Variants in KLHDC10 observed in about 807,000 individuals in gnomAD.
KLHDC10 encodes kelch domain containing 10.
In KLHDC10, 24 loss-of-function variants were observed where a neutral mutation model predicts 56.1. The ratio of observed to expected loss-of-function variants is 0.43; its 90% CI spans 0.31 to 0.60. The LOEUF is 0.60. Among genes scored for constraint, KLHDC10 ranks in the 20% least tolerant of loss-of-function variants. The probability of loss-of-function intolerance (pLI) is 0.11; values close to 1 mark genes in which losing one functional copy is unlikely to be tolerated. For missense variants in KLHDC10, 349 were observed against 567.0 expected, an observed-to-expected ratio of 0.62 and a Z score of 3.91; for synonymous variants, 188 against 207.1, an observed-to-expected ratio of 0.91 and a Z score of 0.79.
chr7:130,093,908 G>A (rs1795813771), intron 1 of KLHDC10, among the ~76,000 whole-genome samples: 1 of 151,888 alleles, frequency 6.6e-6, no homozygotes, highest in African/African-American at 2.4e-5. Context: ...TTACAGTTTT[G>A]GTGTGTTAAT....
Position 130,072,716 on chromosome 7 carries a change from AC to A in KLHDC10, c.166+1908del, listed in dbSNP as rs1340193353. ...GGAATAGGATGTCTAGGCTTGGTTGACGGGCCTTGGAGATAAAACCTTTTAT... is the reference window on the plus strand; with the variant it reads ...GGAATAGGATGTCTAGGCTTGGTTGAGGGCCTTGGAGATAAAACCTTTTAT... On this transcript the variant is annotated intron_variant, in intron 1 of 9. Transcript: ENST00000335420. 3.3e-5 allele frequency among the ~76,000 whole-genome samples: 5 copies of A among 152,080 alleles called. No individual in the cohort carries two copies. In the East Asian group the frequency reaches 7.7e-4, roughly 24 times the overall value.
intron 1 of KLHDC10, among the ~76,000 whole-genome samples, chr7:130,092,111 A>G (rs1795783419): frequency 2.0e-5 from 3 of 152,302 alleles, no homozygotes; most frequent in East Asian, 1.9e-4. Context: ...TGGACTCTCA[A>G]TTTCATTAAT....
At chr7:130,099,234 C>T (rs1221833932) in intron 2 of KLHDC10, among the ~76,000 whole-genome samples, 1 of 152,182 alleles carries the variant, frequency 6.6e-6, no homozygotes, top group Non-Finnish European at 1.5e-5. Flanking sequence ...TCTGTCCTCT[C>T]CATTATCTCC....
At chr7:130,121,152 T>G (rs138890487) in intron 4 of KLHDC10, among the ~76,000 whole-genome samples, 5 of 152,230 alleles carry the variant, frequency 3.3e-5, no homozygotes, top group African/African-American at 9.6e-5. Flanking sequence ...TAGGTCAGGA[T>G]GTAGACCTGT....
At chr7:130,086,241 C>G (rs1025244367) in intron 1 of KLHDC10, among the ~76,000 whole-genome samples, 1 of 152,136 alleles carries the variant, frequency 6.6e-6, no homozygotes, top group Admixed American at 6.6e-5. Flanking sequence ...TTTGAACACT[C>G]TGTATCATTA....
At position 130,134,864 on chromosome 7, in the gene KLHDC10, C is replaced by T. The variant is rs1563109650; in HGVS notation, c.*4118C>T. 6.6e-6 allele frequency: 1 copy of T among 152,020 alleles called. No individual in the cohort carries two copies. Among genetic ancestry groups the T allele is most frequent in the African/African-American group, 2.4e-5 (1 of 41,364 alleles). 9.4% of individuals were successfully genotyped at this position (152,020 alleles called of 1,614,324 possible). On this transcript the variant is annotated 3_prime_UTR_variant, in exon 10 of 10. Coordinates refer to ENST00000335420, the MANE Select transcript of KLHDC10 (RefSeq NM_014997.4). Reference sequence around the variant, plus strand: ...GAAATTGCTTTGGTTCCCCAAATGCCTTGGAACTCCAGACGCACCCGCAGG... The same window carrying T: ...GAAATTGCTTTGGTTCCCCAAATGCTTTGGAACTCCAGACGCACCCGCAGG...
At chr7:130,113,535 G>A (rs1343633202) in intron 2 of KLHDC10, among the ~76,000 whole-genome samples, 1 of 152,096 alleles carries the variant, frequency 6.6e-6, no homozygotes, top group Non-Finnish European at 1.5e-5. Flanking sequence ...GTTTCACCAT[G>A]TTGACCAGGC....
intron 6 of KLHDC10, 120 bp downstream of exon 6, chr7:130,124,655 A>C: frequency 1.7e-6 from 1 of 596,794 alleles, no homozygotes. Flanking sequence ...TTCCTCATTA[A>C]CACCTATTTT....
At chr7:130,091,427 A>G (rs1038465760) in intron 1 of KLHDC10, among the ~76,000 whole-genome samples, 1 of 152,198 alleles carries the variant, frequency 6.6e-6, no homozygotes, top group African/African-American at 2.4e-5. Context: ...GACTTCTTAC[A>G]TGTGTCTTCA....
At chr7:130,101,832 T>C (rs565766744) in intron 2 of KLHDC10, among the ~76,000 whole-genome samples, 2 of 151,842 alleles carry the variant, frequency 1.3e-5, no homozygotes, top group South Asian at 4.2e-4. Context: ...TAGCCGGGCG[T>C]GGTAGCAGGC....
chr7:130,070,843 G>A (rs759348275), intron 1 of KLHDC10, 34 bp downstream of exon 1: 1 of 1,292,692 alleles, frequency 7.7e-7, no homozygotes, highest in Non-Finnish European at 9.8e-7. Flanking sequence ...ACCGCTTGCG[G>A]GCGGGAAGGT....
At chr7:130,111,338 T>G (rs1436378344) in intron 2 of KLHDC10, among the ~76,000 whole-genome samples, 1 of 152,050 alleles carries the variant, frequency 6.6e-6, no homozygotes, top group African/African-American at 2.4e-5. Context: ...ATTGAGAGAC[T>G]CAACACCTCT....
intron 2 of KLHDC10, among the ~76,000 whole-genome samples, chr7:130,113,707 C>T (rs905859906): frequency 4.6e-5 from 7 of 152,062 alleles, no homozygotes; most frequent in African/African-American, 1.7e-4. Context: ...CTGTGTAATC[C>T]ATGTGAATTG....
intron 2 of KLHDC10, among the ~76,000 whole-genome samples, chr7:130,107,093 C>A (rs1474734802): frequency 6.6e-6 from 1 of 152,108 alleles, no homozygotes; most frequent in African/African-American, 2.4e-5. Context: ...TAGTAAATAT[C>A]ATATATGATG....
intron 2 of KLHDC10, among the ~76,000 whole-genome samples, chr7:130,097,679 G>A (rs1795868684): frequency 6.6e-6 from 1 of 152,124 alleles, no homozygotes; most frequent in Non-Finnish European, 1.5e-5. Flanking sequence ...AATACCCAAT[G>A]TTGGCAAGGG....
Position 130,120,764 on chromosome 7 carries a change from A to G in KLHDC10, c.491A>G (p.Asn164Ser). 1.2e-6 allele frequency: 2 copies of G among 1,614,104 alleles called. No homozygotes were observed. The highest frequency in any genetic ancestry group is 1.7e-6 in the Non-Finnish European group (2 of 1,179,964). The part of the protein sequence containing the change: ...LASMSLVLHG[N>S]NLLVFGGTGI... Reference sequence around the variant, plus strand: ...CCTTCCTCAGTTGTGCTGCATGGAAACAACCTGTTAGTATTTGGAGGTACG... The same window carrying G: ...CCTTCCTCAGTTGTGCTGCATGGAAGCAACCTGTTAGTATTTGGAGGTACG... Residue 164 changes from asparagine to serine, a missense_variant, in exon 4 of 10, where the codon AAC (asparagine) becomes AGC (serine). Transcript: ENST00000335420. The surrounding 1 kb of genome is among the most constrained non-coding windows in gnomAD (Gnocchi z 5.1).
intron 5 of KLHDC10, among the ~76,000 whole-genome samples, chr7:130,123,198 C>G (rs1043167546): frequency 6.6e-6 from 1 of 152,162 alleles, no homozygotes; most frequent in Non-Finnish European, 1.5e-5. Flanking sequence ...CTCACTGTGG[C>G]TGGGCGCAGC....
At chr7:130,093,667 T>C (rs1392316228) in intron 1 of KLHDC10, among the ~76,000 whole-genome samples, 1 of 152,154 alleles carries the variant, frequency 6.6e-6, no homozygotes, top group Admixed American at 6.5e-5. Flanking sequence ...TATTTAAAAA[T>C]TTAAGAAGTA....
chr7:130,096,120 T>C (rs1201390489), intron 1 of KLHDC10, among the ~76,000 whole-genome samples: 1 of 152,192 alleles, frequency 6.6e-6, no homozygotes, highest in Non-Finnish European at 1.5e-5. Flanking sequence ...GTGAGAATTA[T>C]ATGAGGTAAT....
Sources: gnomAD v4.1 joint callset for allele counts (sites outside exome capture counted in the v4.1 genomes callset) on GRCh38, gnomAD v4.1.1 for gene constraint, Gnocchi (gnomAD v3.1) non-coding constraint, MANE v1.5 for transcripts, NCBI Gene and HGNC (gene_info 2026-07-23, HGNC 2026-07-21) for gene names.